The following MTMR9 variants were observed in gnomAD, a reference collection of about 807,000 sequenced individuals.
MTMR9 encodes the protein myotubularin-related protein 9.
Under a neutral mutation model 69.5 loss-of-function variants are expected in MTMR9, and 39 were observed. That is an observed-to-expected ratio of 0.56 (90% CI 0.43 to 0.73). The LOEUF (loss-of-function observed/expected upper bound fraction) is 0.73, where lower values mean the gene tolerates loss of function less well. MTMR9 is among the 30% of genes least tolerant of loss of function. MTMR9 has a pLI of 0.00. For synonymous variants in MTMR9, 354 were observed against 240.8 expected (o/e 1.47, Z -4.35); for missense variants, 900 against 671.2 (o/e 1.34, Z -3.77).
chr8:11,320,984 TC>T (rs1235190603), intron 9 of MTMR9: 1 of 159,898 alleles, frequency 6.3e-6, no homozygotes, highest in East Asian at 1.8e-4. Context: ...CAAAGGCAGT[TC>T]ACGTGTGGAA....
At position 11,286,666 on chromosome 8, in the gene MTMR9, C is replaced by CAA. The variant is rs869105936; in HGVS notation, c.182+1620_182+1621dup. ...TTGCAACAAGAGCAAAACTCCATCTCAAAAAAAAAAAAAAAAAAAAAAAAA... is the reference window on the plus strand; with the variant it reads ...TTGCAACAAGAGCAAAACTCCATCTCAAAAAAAAAAAAAAAAAAAAAAAAAAA... On this transcript the variant is annotated intron_variant, in intron 1 of 9. Transcript: ENST00000221086. Among the ~76,000 whole-genome samples the CAA allele has an allele frequency of 1.3e-3, 95 of 71,446 alleles. 1 individual carries two copies. Among genetic ancestry groups the CAA allele is most frequent in the African/African-American group, 2.3e-3 (44 of 18,730 alleles). 46.9% of individuals were successfully genotyped at this position (71,446 alleles called of 152,430 possible). A position where few individuals can be genotyped will look rare whatever the true frequency, so the allele number is the denominator to read the frequency against.
chr8:11,316,289 G>C (rs983148649), intron 7 of MTMR9: 5 of 152,798 alleles, frequency 3.3e-5, no homozygotes, highest in Non-Finnish European at 5.5e-5. Flanking sequence ...GTGTTAGACA[G>C]AGGTGATGAT....
intron 6 of MTMR9, among the ~76,000 whole-genome samples, chr8:11,312,285 A>T (rs916755162): frequency 6.6e-6 from 1 of 151,970 alleles, no homozygotes; most frequent in African/African-American, 2.4e-5. Flanking sequence ...CCTGAGCTCA[A>T]ACAATCCTCC....
Position 11,319,586 on chromosome 8 carries a change from A to G in MTMR9, c.1335-101A>G, listed in dbSNP as rs76179315. Reference sequence around the variant, plus strand: ...TTCTCTACCAAAAGTCTTGTATTCTATCTTCTTTCATACTGAGAAGAAATT... The same window carrying G: ...TTCTCTACCAAAAGTCTTGTATTCTGTCTTCTTTCATACTGAGAAGAAATT... On this transcript the variant is annotated intron_variant, in intron 8 of 9. Coordinates refer to ENST00000221086, the MANE Select transcript of MTMR9 (RefSeq NM_015458.4). 5,900 of 1,244,942 alleles carry G rather than the reference A, an allele frequency of 4.7e-3. 205 individuals are homozygous for G. In the African/African-American group the frequency reaches 0.078, roughly 16 times the overall value. 77.1% of individuals were successfully genotyped at this position (1,244,942 alleles called of 1,614,324 possible). A position where few individuals can be genotyped will look rare whatever the true frequency, so the allele number is the denominator to read the frequency against.
intron 6 of MTMR9, among the ~76,000 whole-genome samples, chr8:11,310,088 A>G (rs1800135891): frequency 6.6e-6 from 1 of 152,244 alleles, no homozygotes; most frequent in Admixed American, 6.5e-5. Flanking sequence ...AGGAAACGTA[A>G]TTTTGTTACA....
At chr8:11,334,709 A>G in the MTMR9 span, among the ~76,000 whole-genome samples, 1 of 152,316 alleles carries the variant, frequency 6.6e-6, no homozygotes, top group East Asian at 1.9e-4. Context: ...GAAGGCAGAC[A>G]ATGACGGAAT....
intron 2 of MTMR9, 60 bp downstream of exon 2, chr8:11,295,362 C>T: frequency 2.1e-6 from 2 of 954,800 alleles, no homozygotes; most frequent in East Asian, 2.4e-5. Context: ...CTCAGTGTAG[C>T]TCTTCCATTT....
downstream of MTMR9, chr8:11,331,436 C>A: frequency 1.9e-6 from 3 of 1,614,020 alleles, no homozygotes; most frequent in Non-Finnish European, 2.5e-6. Context: ...GTGCCCTGCT[C>A]AACGTCCTCA....
chr8:11,319,433 C>T (rs1424076403), intron 8 of MTMR9: 25 of 459,810 alleles, frequency 5.4e-5, no homozygotes. Context: ...CCTGATGTGA[C>T]CAGATTCTGT....
intron 1 of MTMR9, among the ~76,000 whole-genome samples, chr8:11,292,214 A>G (rs995701334): frequency 3.9e-5 from 6 of 152,300 alleles, no homozygotes; most frequent in Admixed American, 2.6e-4. Flanking sequence ...GCAGTATTCC[A>G]TAGTTCATTT....
intron 8 of MTMR9, chr8:11,319,313 G>A (rs1488347946): frequency 6.3e-6 from 1 of 159,718 alleles, no homozygotes; most frequent in Admixed American, 6.5e-5. Flanking sequence ...GAAACAAAAA[G>A]GTTAGAAAGT....
chr8:11,310,705 T>A lies in MTMR9; in HGVS notation c.971+1017T>A, dbSNP rs1465708394. Among the ~76,000 whole-genome samples, 4 of 151,804 alleles carry A rather than the reference T, an allele frequency of 2.6e-5. No homozygotes were observed. The East Asian group carries it at 7.7e-4, about 29-fold the overall frequency. On this transcript the variant is annotated intron_variant, in intron 6 of 9. Coordinates refer to ENST00000221086, the MANE Select transcript of MTMR9 (RefSeq NM_015458.4). ...ATAATGATTTTGTTAATACTGAGGG[T>A]TTTTTTCTTTTTAACCTAAGTTTAC...
intron 2 of MTMR9, chr8:11,298,841 C>G (rs1461320332): frequency 1.0e-6 from 1 of 984,506 alleles, no homozygotes; most frequent in Non-Finnish European, 1.2e-6. Flanking sequence ...TCAGGTTTTC[C>G]TATGTCTGTT....
intron 1 of MTMR9, among the ~76,000 whole-genome samples, chr8:11,291,847 C>T (rs1005527161): frequency 2.6e-5 from 4 of 152,086 alleles, no homozygotes; most frequent in African/African-American, 9.7e-5. Context: ...GTGTCTTTCA[C>T]TTCCAGCTGA....
intron 1 of MTMR9, among the ~76,000 whole-genome samples, chr8:11,286,080 G>A (rs1288886539): frequency 1.0e-4 from 15 of 150,478 alleles, no homozygotes; most frequent in African/African-American, 3.7e-4. Context: ...AGCCTCCCGA[G>A]TAGCTGGGAT....
Position 11,326,036 on chromosome 8 carries a change from G to T in MTMR9, c.*3248G>T, listed in dbSNP as rs988986115. ...TTTTTGTTTTAAAGGATGAAATTTT[G>T]TGGGGTTTTAGTCTTTGATTCAGTC... On this transcript the variant is annotated 3_prime_UTR_variant, in exon 10 of 10. Coordinates refer to ENST00000221086, the MANE Select transcript of MTMR9 (RefSeq NM_015458.4). 6.6e-6 allele frequency: 1 copy of T among 152,148 alleles called. No homozygotes were observed. The highest frequency in any genetic ancestry group is 1.5e-5 in the Non-Finnish European group (1 of 68,022). 9.4% of individuals were successfully genotyped at this position (152,148 alleles called of 1,614,324 possible).
At chr8:11,288,045 A>C (rs1415145070) in intron 1 of MTMR9, among the ~76,000 whole-genome samples, 2 of 125,714 alleles carry the variant, frequency 1.6e-5, no homozygotes, top group Admixed American at 9.6e-5. Flanking sequence ...TATATTATAT[A>C]ATACGTATTA....
Position 11,295,230 on chromosome 8 carries a change from T to G in MTMR9, c.219T>G (p.Cys73Trp), listed in dbSNP as rs768106091. ...CACTGGGTACCATCATCATAAAATG[T>G]AAAGATTTTCGAATTATTCAGTTGG... ...VGSLGTIIIK[C>W]KDFRIIQLDI... Residue 73 changes from cysteine to tryptophan, a missense_variant, in exon 2 of 10, where the codon TGT becomes TGG. Cys to Trp is a radical substitution (Grantham distance 215). Coordinates refer to ENST00000221086, the MANE Select transcript of MTMR9 (RefSeq NM_015458.4). 1 of 1,611,450 alleles carries G rather than the reference T, an allele frequency of 6.2e-7. No homozygotes were observed. Among genetic ancestry groups the G allele is most frequent in the South Asian group, 1.1e-5 (1 of 90,904 alleles).
At position 11,322,725 on chromosome 8, in the gene MTMR9, C is replaced by T. The variant is rs200809381; in HGVS notation, c.1587C>T (p.Val529=). The T allele has an allele frequency of 6.2e-7, 1 of 1,614,014 alleles. No homozygotes were observed. The highest frequency in any genetic ancestry group is 8.5e-7 in the Non-Finnish European group (1 of 1,179,968). The part of the protein sequence containing the change: ...IEYNKELQAK[V]NILRRQLAEL... ...ATAATAAAGAATTACAAGCAAAAGT[C>T]AATATCCTTCGAAGGCAGTTGGCAG... is the stretch of plus-strand genomic sequence containing the variant. The change falls in exon 10 of 10, where the codon GTC becomes GTT. Residue 529 remains valine (V), a synonymous_variant. Coordinates refer to ENST00000221086, the MANE Select transcript of MTMR9 (RefSeq NM_015458.4).
Sources: gnomAD v4.1 joint callset for allele counts (sites outside exome capture counted in the v4.1 genomes callset) on GRCh38, gnomAD v4.1.1 for gene constraint, MANE v1.5 for transcripts, NCBI Gene and HGNC (gene_info 2026-07-23, HGNC 2026-07-21) for gene names.